The following CDH12 variants were observed in gnomAD, a reference collection of about 807,000 sequenced individuals.
The protein encoded by CDH12 is cadherin-12.
Under a neutral mutation model 74.1 loss-of-function variants are expected in CDH12, and 41 were observed. The ratio of observed to expected loss-of-function variants is 0.55; its 90% confidence interval spans 0.43 to 0.72. CDH12 has a LOEUF of 0.72. Among genes scored for constraint, CDH12 ranks in the 30% least tolerant of loss-of-function variants. The pLI, the probability that CDH12 is intolerant of heterozygous loss-of-function variation, is 0.00. For missense variants in CDH12, 945 were observed against 977.2 expected (o/e 0.97, Z 0.44); for synonymous variants, 399 against 355.0 (o/e 1.12, Z -1.39).
chr5:22,729,331 C>T (rs998624953), intron 1 of CDH12, among the ~76,000 whole-genome samples: 14 of 151,832 alleles, frequency 9.2e-5, no homozygotes, highest in African/African-American at 3.1e-4. Flanking sequence ...CCATCCAGGG[C>T]ATGATGAATC....
At chr5:22,415,905 C>T (rs950298956) in intron 2 of CDH12, among the ~76,000 whole-genome samples, 3 of 149,024 alleles carry the variant, frequency 2.0e-5, no homozygotes, top group Admixed American at 6.7e-5. Flanking sequence ...CCAAACAAAA[C>T]AATAAAAAAA....
At chr5:22,043,198 C>T (rs181502189) in intron 5 of CDH12, among the ~76,000 whole-genome samples, 306 of 152,184 alleles carry the variant, frequency 2.0e-3, no homozygotes, top group Non-Finnish European at 3.4e-3. Context: ...AAATCCTCAA[C>T]AGAATACTAG....
chr5:22,743,549 G>C (rs185694619), intron 1 of CDH12, among the ~76,000 whole-genome samples: 1 of 151,906 alleles, frequency 6.6e-6, no homozygotes, highest in Non-Finnish European at 1.5e-5. Flanking sequence ...TCATTTGTAA[G>C]ACTGTCTGTA....
chr5:22,604,363 A>G (rs920492308), intron 1 of CDH12, among the ~76,000 whole-genome samples: 3 of 152,194 alleles, frequency 2.0e-5, no homozygotes, highest in African/African-American at 7.2e-5. Context: ...AACACCAAAC[A>G]TTCCTTATCC....
intron 1 of CDH12, among the ~76,000 whole-genome samples, chr5:22,714,554 A>G (rs1246115108): frequency 6.6e-6 from 1 of 152,194 alleles, no homozygotes; most frequent in Non-Finnish European, 1.5e-5. Flanking sequence ...CTTTTATTCT[A>G]GATATGGATA....
In CDH12 at chr5:22,850,625, G is replaced by A. The variant is rs1737506410; in HGVS notation, c.-523+2433C>T. 2.0e-5 allele frequency among the ~76,000 whole-genome samples: 3 copies of A among 152,138 alleles called. No individual in the cohort carries two copies. The South Asian group carries it at 6.2e-4, about 32-fold the overall frequency. On this transcript the variant is annotated intron_variant, in intron 1 of 14. Transcript: ENST00000382254. ...TTCTCTATTGATGTAATGATCACAT[G>A]ATAATTTCTGACATAATTACTTTTA...
intron 5 of CDH12, among the ~76,000 whole-genome samples, chr5:22,050,601 A>G (rs1455723995): frequency 6.6e-6 from 1 of 152,164 alleles, no homozygotes; most frequent in Admixed American, 6.6e-5. Flanking sequence ...TTTTCTCCTT[A>G]CAATGTCAGT....
chr5:22,280,936 A>G (rs1247842816), intron 3 of CDH12, among the ~76,000 whole-genome samples: 3 of 152,272 alleles, frequency 2.0e-5, no homozygotes, highest in Non-Finnish European at 4.4e-5. Flanking sequence ...AGAATTTTAG[A>G]CCAATATCCC....
chr5:22,669,185 G>A (rs958043757), intron 1 of CDH12, among the ~76,000 whole-genome samples: 3 of 151,958 alleles, frequency 2.0e-5, no homozygotes, highest in Non-Finnish European at 2.9e-5. Flanking sequence ...TCTGTGGATG[G>A]GTCAAAACAC....
chr5:21,820,284 A>G (rs1211905018), intron 8 of CDH12, among the ~76,000 whole-genome samples: 2 of 152,038 alleles, frequency 1.3e-5, no homozygotes, highest in East Asian at 3.9e-4. Context: ...AATTTAAGTT[A>G]AATAGGGTGT....
intron 1 of CDH12, among the ~76,000 whole-genome samples, chr5:22,651,536 T>C (rs1204402142): frequency 1.3e-5 from 2 of 152,088 alleles, no homozygotes; most frequent in Non-Finnish European, 2.9e-5. Context: ...ATTTACTCAC[T>C]ATCATGAGAC....
At chr5:22,218,578 T>C (rs1261657240) in intron 3 of CDH12, among the ~76,000 whole-genome samples, 1 of 151,636 alleles carries the variant, frequency 6.6e-6, no homozygotes, top group African/African-American at 2.4e-5. Flanking sequence ...GTGAATGAAG[T>C]TGGAATGAGA....
chr5:21,953,687 T>C (rs1755969265), intron 6 of CDH12, among the ~76,000 whole-genome samples: 1 of 152,198 alleles, frequency 6.6e-6, no homozygotes, highest in African/African-American at 2.4e-5. Context: ...TAGCTTGTGG[T>C]GGCATGGTTG....
chr5:22,647,811 T>C (rs1418197587), intron 1 of CDH12, among the ~76,000 whole-genome samples: 3 of 152,020 alleles, frequency 2.0e-5, no homozygotes, highest in South Asian at 2.1e-4. Context: ...TTTTGAACTA[T>C]GTCAAAACTA....
intron 3 of CDH12, among the ~76,000 whole-genome samples, chr5:22,341,097 G>T (rs1360233066): frequency 6.6e-6 from 1 of 152,136 alleles, no homozygotes; most frequent in African/African-American, 2.4e-5. Flanking sequence ...TAGAGACTCA[G>T]CTAATGTAAA....
chr5:22,613,144 A>C (rs958916008), intron 1 of CDH12, among the ~76,000 whole-genome samples: 1 of 152,066 alleles, frequency 6.6e-6, no homozygotes, highest in Non-Finnish European at 1.5e-5. Flanking sequence ...CAGATTTTCC[A>C]TTTGAATTAT....
chr5:22,042,505 C>T (rs1739640787), intron 5 of CDH12, among the ~76,000 whole-genome samples: 2 of 152,082 alleles, frequency 1.3e-5, no homozygotes, highest in Admixed American at 1.3e-4. Context: ...TACGAGACTA[C>T]TATGAACAAC....
At chr5:22,820,732 G>A (rs1006463993) in intron 1 of CDH12, among the ~76,000 whole-genome samples, 5 of 152,180 alleles carry the variant, frequency 3.3e-5, no homozygotes, top group African/African-American at 1.2e-4. Flanking sequence ...TGAAATTGTG[G>A]CAATAATCAA....
intron 1 of CDH12, among the ~76,000 whole-genome samples, chr5:22,524,655 A>T (rs1737190028): frequency 6.6e-6 from 1 of 152,214 alleles, no homozygotes; most frequent in Non-Finnish European, 1.5e-5. Flanking sequence ...TTGCAGTATC[A>T]GTTGGAATAG....
Sources: gnomAD v4.1 joint callset for allele counts (sites outside exome capture counted in the v4.1 genomes callset) on GRCh38, gnomAD v4.1.1 for gene constraint, MANE v1.5 for transcripts, NCBI Gene and HGNC (gene_info 2026-07-23, HGNC 2026-07-21) for gene names.